The following RNF145 variants were observed in gnomAD, a reference collection of about 807,000 sequenced individuals.
RNF145 encodes ring finger protein 145.
In RNF145, 12 loss-of-function variants were observed where a neutral mutation model predicts 57.3. The ratio of observed to expected loss-of-function variants is 0.21; its 90% CI spans 0.13 to 0.34. RNF145 has a LOEUF of 0.34. Ranked by LOEUF, RNF145 falls within the 10% of genes least tolerant of loss-of-function variation. The pLI is 1.00. For synonymous variants in RNF145, 262 were observed against 288.3 expected, an observed-to-expected ratio of 0.91 and a Z score of 0.92; for missense variants, 429 against 799.0, an observed-to-expected ratio of 0.54 and a Z score of 5.58.
intron 4 of RNF145, among the ~76,000 whole-genome samples, chr5:159,181,642 AC>A (rs1784895879): frequency 6.6e-6 from 1 of 152,284 alleles, no homozygotes; most frequent in African/African-American, 2.4e-5. Context: ...AATTTAAGAT[AC>A]TACGTGTTTC....
At chr5:159,198,540 G>A (rs566830428) in intron 2 of RNF145, among the ~76,000 whole-genome samples, 62 of 152,226 alleles carry the variant, frequency 4.1e-4, no homozygotes, top group African/African-American at 1.4e-3. Flanking sequence ...GACTAGTTGA[G>A]AACAAGGAAG....
chr5:159,209,708 C>T, upstream of RNF145: 1 of 1,055,752 alleles, frequency 9.5e-7, no homozygotes, highest in East Asian at 2.7e-5. Flanking sequence ...TAAGCCTAGC[C>T]AAGCCCATAC....
At chr5:159,187,899 C>A (rs577645094) in intron 3 of RNF145, among the ~76,000 whole-genome samples, 132 of 152,266 alleles carry the variant, frequency 8.7e-4, no homozygotes, top group Middle Eastern at 3.4e-3. Flanking sequence ...AGCTGATTAT[C>A]CATAGTTTAC....
chr5:159,181,293 A>G (rs1370587444), intron 4 of RNF145, among the ~76,000 whole-genome samples: 2 of 152,120 alleles, frequency 1.3e-5, no homozygotes, highest in Non-Finnish European at 2.9e-5. Flanking sequence ...CCTCTAGTGT[A>G]AAGGGCTGGG....
chr5:159,161,553 T>G lies in RNF145; in HGVS notation c.1339A>C (p.Met447Leu). The G allele has an allele frequency of 6.2e-7, 1 of 1,613,962 alleles. No homozygotes were observed. Among genetic ancestry groups the G allele is most frequent in the Non-Finnish European group, 8.5e-7 (1 of 1,179,956 alleles). The change falls in exon 10 of 11, where the codon ATG becomes CTG. Residue 447 changes from methionine (M) to leucine (L), a missense_variant. Around this residue, in one of 4 missense-constraint regions of RNF145, gnomAD observed 216 missense variants for 457.6 expected, o/e 0.47. Coordinates refer to ENST00000424310, the MANE Select transcript of RNF145 (RefSeq NM_001199383.2). The stretch of plus-strand genomic sequence containing the variant: ...TTCACATAGTAGATGACATCATCCA[T>G]GTTTTCCACTGGCTCTTTTCTGAAT... ...EEFRKEPVEN[M>L]DDVIYYVNGT... is the part of the protein sequence containing the mutation.
At chr5:159,173,577 G>A (rs141518667) in intron 6 of RNF145, among the ~76,000 whole-genome samples, 3 of 152,072 alleles carry the variant, frequency 2.0e-5, no homozygotes, top group African/African-American at 7.2e-5. Context: ...TATAATAAAG[G>A]CACCTATCTC....
intron 2 of RNF145, among the ~76,000 whole-genome samples, chr5:159,202,471 G>C (rs1333198164): frequency 6.6e-6 from 1 of 152,100 alleles, no homozygotes; most frequent in Non-Finnish European, 1.5e-5. Flanking sequence ...TTTGTTTCTA[G>C]TGCACCATCT....
intron 2 of RNF145, among the ~76,000 whole-genome samples, chr5:159,201,112 C>T (rs1234673190): frequency 6.6e-6 from 1 of 152,098 alleles, no homozygotes; most frequent in African/African-American, 2.4e-5. Context: ...TGTGAGGGTC[C>T]ACTTACATGT....
In RNF145 at chr5:159,161,534, T is replaced by C; in HGVS notation, c.1358A>G (p.Tyr453Cys). ...CAGCAGGCGGTAAGTGCCATTCACA[T>C]AGTAGATGACATCATCCATGTTTTC... ...PVENMDDVIYYVNGTYRLLEF... is the reference protein window; with the variant it reads ...PVENMDDVIYCVNGTYRLLEF... The change falls in exon 10 of 11, where the codon TAT (tyrosine) becomes TGT (cysteine). Residue 453 changes from tyrosine (Y) to cysteine (C), a missense_variant. Around this residue, in one of 4 missense-constraint regions of RNF145, gnomAD observed 216 missense variants for 457.6 expected, o/e 0.47. Coordinates refer to ENST00000424310, the MANE Select transcript of RNF145 (RefSeq NM_001199383.2). 6.2e-7 allele frequency: 1 copy of C among 1,613,912 alleles called. No individual in the cohort carries two copies. Among genetic ancestry groups the C allele is most frequent in the South Asian group, 1.1e-5 (1 of 91,068 alleles).
chr5:159,162,127 T>C (rs1784236044), intron 9 of RNF145, among the ~76,000 whole-genome samples: 1 of 152,198 alleles, frequency 6.6e-6, no homozygotes, highest in South Asian at 2.1e-4. Context: ...TAGGGCAATA[T>C]TTTGTGTGTG....
intron 8 of RNF145, among the ~76,000 whole-genome samples, chr5:159,167,106 C>T (rs1683101767): frequency 6.6e-6 from 1 of 152,110 alleles, no homozygotes; most frequent in African/African-American, 2.4e-5. Context: ...CTTTTTAGTT[C>T]TTGAGTCAGT....
intron 5 of RNF145, among the ~76,000 whole-genome samples, chr5:159,175,196 A>G (rs1299607835): frequency 6.6e-6 from 1 of 152,186 alleles, no homozygotes; most frequent in Non-Finnish European, 1.5e-5. Context: ...ACAAAAGATT[A>G]AAAGAAAAAG....
In RNF145 at chr5:159,194,701, G is replaced by A. The variant is rs1562071197; in HGVS notation, c.293+15C>T. On this transcript the variant is annotated intron_variant, in intron 3 of 10. Transcript: ENST00000424310. The stretch of plus-strand genomic sequence containing the variant: ...AATTCAATCATACATTTCAAAAATG[G>A]GGTCATATTCTTACCTGGAAATTTG... The A allele has an allele frequency of 2.1e-6, 3 of 1,418,516 alleles. No homozygotes were observed. Among genetic ancestry groups the A allele is most frequent in the Middle Eastern group, 1.8e-4 (1 of 5,616 alleles). 87.9% of individuals were successfully genotyped at this position (1,418,516 alleles called of 1,614,324 possible). A position where few individuals can be genotyped will look rare whatever the true frequency, so the allele number is the denominator to read the frequency against.
At position 159,161,915 on chromosome 5, in the gene RNF145, C is replaced by A. The variant is rs188056900; in HGVS notation, c.1270-293G>T. Among the ~76,000 whole-genome samples the A allele has an allele frequency of 2.0e-3, 301 of 152,242 alleles. 6 individuals are homozygous for A. Among genetic ancestry groups the A allele is most frequent in the Admixed American group, 0.016 (237 of 15,290 alleles). On this transcript the variant is annotated intron_variant, in intron 9 of 10. Coordinates refer to ENST00000424310, the MANE Select transcript of RNF145 (RefSeq NM_001199383.2). ...CTGATGAGTAATCAATTTTTTGATTCATCTTTTTCCCTTATTCCTTAGGTC... is the reference window on the plus strand; with the variant it reads ...CTGATGAGTAATCAATTTTTTGATTAATCTTTTTCCCTTATTCCTTAGGTC...
At chr5:159,206,923 CAA>C (rs898554245) in intron 1 of RNF145, among the ~76,000 whole-genome samples, 25 of 147,984 alleles carry the variant, frequency 1.7e-4, no homozygotes, top group African/African-American at 6.0e-4. Context: ...AAATGTGACT[CAA>C]AGATGTTTTA....
chr5:159,198,022 T>A (rs1785516013), intron 2 of RNF145, among the ~76,000 whole-genome samples: 1 of 152,058 alleles, frequency 6.6e-6, no homozygotes, highest in African/African-American at 2.4e-5. Flanking sequence ...AGAAGATCAC[T>A]TGAGCTTAGG....
At chr5:159,188,088 T>C (rs1333121262) in intron 3 of RNF145, among the ~76,000 whole-genome samples, 2 of 151,974 alleles carry the variant, frequency 1.3e-5, no homozygotes, top group Non-Finnish European at 2.9e-5. Context: ...AAACAAGGAA[T>C]TTAAGAACAC....
intron 6 of RNF145, among the ~76,000 whole-genome samples, chr5:159,172,109 C>T (rs1784578852): frequency 6.6e-6 from 1 of 152,146 alleles, no homozygotes; most frequent in Non-Finnish European, 1.5e-5. Flanking sequence ...TTTAAAGCAC[C>T]ACCAATTCAG....
intron 1 of RNF145, among the ~76,000 whole-genome samples, chr5:159,205,758 A>G (rs1785857220): frequency 6.6e-6 from 1 of 152,194 alleles, no homozygotes; most frequent in African/African-American, 2.4e-5. Flanking sequence ...CTCTGTTTTT[A>G]TAAGTAACAA....
Sources: gnomAD v4.1 joint callset for allele counts (sites outside exome capture counted in the v4.1 genomes callset) on GRCh38, gnomAD v4.1.1 for gene constraint, gnomAD v4.1.1 regional missense constraint, MANE v1.5 for transcripts, NCBI Gene and HGNC (gene_info 2026-07-23, HGNC 2026-07-21) for gene names.